Variants in IZUMO4 observed in about 807,000 individuals in gnomAD.
IZUMO4 encodes IZUMO family member 4, also known as izumo sperm-egg fusion protein 4.
IZUMO4 carries 51 observed loss-of-function variants against 37.1 expected under a neutral mutation model. The observed-to-expected ratio is 1.38, with a 90% confidence interval of 1.10 to 1.74. The LOEUF is 1.74. Among genes scored for constraint, IZUMO4 ranks in the 40% most tolerant of loss-of-function variants. The probability of loss-of-function intolerance (pLI) is 0.00; values close to 1 mark genes in which losing one functional copy is unlikely to be tolerated. For missense variants in IZUMO4, 364 were observed against 299.6 expected, an observed-to-expected ratio of 1.21 and a Z score of -1.59; for synonymous variants, 162 against 121.4, an observed-to-expected ratio of 1.33 and a Z score of -2.20.
In IZUMO4 at chr19:2,097,064, C is replaced by A. The variant is rs956204184; in HGVS notation, c.119C>A (p.Ser40Tyr). 6.2e-7 allele frequency: 1 copy of A among 1,612,716 alleles called. No individual in the cohort carries two copies. Among genetic ancestry groups the A allele is most frequent in the Non-Finnish European group, 8.5e-7 (1 of 1,179,950 alleles). ...SFYRHHVNFK[S>Y]WWVGDIPVSG... ...TACCGCCACCATGTGAACTTCAAGTCCTGGTGGGTGGGCGACATCCCCGTG... is the reference window on the plus strand; with the variant it reads ...TACCGCCACCATGTGAACTTCAAGTACTGGTGGGTGGGCGACATCCCCGTG... The change falls in exon 1 of 10, where the codon TCC (serine) becomes TAC (tyrosine). Residue 40 changes from serine to tyrosine, a missense_variant. Coordinates refer to ENST00000395301, the MANE Select transcript of IZUMO4 (RefSeq NM_001039846.2).
chr19:2,097,354 C>A (rs1260419572), intron 2 of IZUMO4, 22 bp downstream of exon 2: 1 of 1,610,674 alleles, frequency 6.2e-7, no homozygotes, highest in Admixed American at 1.7e-5. Flanking sequence ...GAAACCGAGG[C>A]GGGGCCCCCC....
At chr19:2,098,236 G>C (rs2017774945) in intron 5 of IZUMO4, 51 bp from the exon 6 acceptor site, 2 of 1,613,008 alleles carry the variant, frequency 1.2e-6, no homozygotes, top group South Asian at 2.2e-5. Context: ...CATCGGGTAG[G>C]GCGGGGCCGT....
intron 8 of IZUMO4, 27 bp from the exon 9 acceptor site, chr19:2,098,949 A>C (rs1421966908): frequency 6.2e-7 from 1 of 1,612,296 alleles, no homozygotes; most frequent in South Asian, 1.1e-5. Context: ...CTCTGCAACC[A>C]CACCCATGTG....
At position 2,099,477 on chromosome 19, in the gene IZUMO4, A is replaced by G; in HGVS notation, c.*132A>G. On this transcript the variant is annotated 3_prime_UTR_variant, in exon 10 of 10. Transcript: ENST00000395301. ...GACCCCGGACAGAGCTGAGCTGGCC[A>G]GGGCCAGGAGGGCGGGAGGGAGGGA... The G allele has an allele frequency of 2.6e-6, 1 of 378,504 alleles. No homozygotes were observed. The highest frequency in any genetic ancestry group is 5.3e-6 in the Non-Finnish European group (1 of 186,976). 23.4% of individuals were successfully genotyped at this position (378,504 alleles called of 1,614,324 possible). A position where few individuals can be genotyped will look rare whatever the true frequency, so the allele number is the denominator to read the frequency against.
At position 2,098,634 on chromosome 19, in the gene IZUMO4, C is replaced by T. The variant is rs113272408; in HGVS notation, c.537-153C>T. The T allele has an allele frequency of 3.6e-3, 5,678 of 1,557,386 alleles. 153 individuals carry two copies. In the African/African-American group the frequency reaches 0.065, roughly 18 times the overall value. On this transcript the variant is annotated intron_variant, in intron 7 of 9. Coordinates refer to ENST00000395301, the MANE Select transcript of IZUMO4 (RefSeq NM_001039846.2). Reference sequence around the variant, plus strand: ...AGTCCTTTTCTCCCTCAAAGGTCTCCGACCCTCAGCTGGAGGCGGGCATCT... The same window carrying T: ...AGTCCTTTTCTCCCTCAAAGGTCTCTGACCCTCAGCTGGAGGCGGGCATCT...
chr19:2,097,999 C>T, intron 4 of IZUMO4, 44 bp downstream of exon 4: 1 of 1,613,156 alleles, frequency 6.2e-7, no homozygotes, highest in Middle Eastern at 1.6e-4. Context: ...CCGGTGGCAG[C>T]TCGGGGCCCT....
chr19:2,097,896 C>T (rs769807937), intron 3 of IZUMO4, 33 bp from the exon 4 acceptor site: 36 of 1,612,276 alleles, frequency 2.2e-5, no homozygotes, highest in Admixed American at 2.2e-4. Flanking sequence ...AAGGCTGGGC[C>T]TGGTAAGATG....
At chr19:2,098,605 C>T in intron 7 of IZUMO4, 155 bp downstream of exon 7, 5 of 1,581,968 alleles carry the variant, frequency 3.2e-6, no homozygotes, top group Non-Finnish European at 4.3e-6. Context: ...CAGGAGGCGG[C>T]TGCAGTCCTT....
Position 2,098,095 on chromosome 19 carries a change from CT to C in IZUMO4, c.442del (p.Ser148ArgfsTer24). 1.1e-5 allele frequency: 18 copies of C among 1,613,608 alleles called. No homozygotes were observed. Among genetic ancestry groups the C allele is most frequent in the Non-Finnish European group, 1.4e-5 (17 of 1,180,016 alleles). On this transcript the variant is annotated frameshift_variant, in exon 5 of 10. Coordinates refer to ENST00000395301, the MANE Select transcript of IZUMO4 (RefSeq NM_001039846.2). LOFTEE classifies it high-confidence loss of function. ...CCATCTCCTGCAACAACTGCACAGA[CT>C]CGCACGTCGCCTGCTTTGGCTATAA... is the stretch of plus-strand genomic sequence containing the variant. ...ETISCNNCTD[S>X]HVACFGYNCE...
chr19:2,098,923 A>AC (rs1446704234), intron 8 of IZUMO4, 53 bp from the exon 9 acceptor site: 1 of 1,600,790 alleles, frequency 6.2e-7, no homozygotes, highest in Non-Finnish European at 8.6e-7. Flanking sequence ...TACCTGGGAC[A>AC]CCTGCTGGAT....
In IZUMO4 at chr19:2,097,936, C is replaced by G. The variant is rs200313927; in HGVS notation, c.378C>G (p.Ile126Met). 5 of 1,613,000 alleles carry G rather than the reference C, an allele frequency of 3.1e-6. No homozygotes were observed. The highest frequency in any genetic ancestry group is 1.3e-5 in the African/African-American group (1 of 74,942). Residue 126 changes from isoleucine (I) to methionine (M), a missense_variant, in exon 4 of 10, where the codon ATC (isoleucine) becomes ATG (methionine). By Grantham distance (10) the Ile-to-Met change is conservative. Transcript: ENST00000395301. ...TGTCCTGCCCTCCCACAGGCCGCAT[C>G]GACTGTCAGCACCGCTGTGGTAAGC... ...LIQNAIIESRIDCQHRCGIFQ... is the reference protein window; with the variant it reads ...LIQNAIIESRMDCQHRCGIFQ...
At position 2,096,998 on chromosome 19, in the gene IZUMO4, G is replaced by C. The variant is rs1456510091; in HGVS notation, c.53G>C (p.Cys18Ser). The change falls in exon 1 of 10, where the codon TGT becomes TCT. Residue 18 changes from cysteine (C) to serine (S), a missense_variant. By Grantham distance (112) the Cys-to-Ser change is moderately radical (BLOSUM62 -1). Transcript: ENST00000395301. ...CTGACGGCGGCGCTGGCCCACGGCT[G>C]TCTGCACTGCCACAGCAACTTCTCC... is the stretch of plus-strand genomic sequence containing the variant. ...VCLTAALAHG[C>S]LHCHSNFSKK... is the part of the protein sequence containing the mutation. 6.2e-7 allele frequency: 1 copy of C among 1,610,716 alleles called. No individual in the cohort carries two copies. Among genetic ancestry groups the C allele is most frequent in the Admixed American group, 1.7e-5 (1 of 60,018 alleles).
chr19:2,098,952 C>A, intron 8 of IZUMO4, 24 bp from the exon 9 acceptor site: 2 of 1,610,138 alleles, frequency 1.2e-6, no homozygotes, highest in Non-Finnish European at 1.7e-6. Context: ...TGCAACCACA[C>A]CCATGTGGTG....
At chr19:2,098,588 C>T (rs184051194) in intron 7 of IZUMO4, 138 bp downstream of exon 7, 5 of 1,599,426 alleles carry the variant, frequency 3.1e-6, no homozygotes, top group Non-Finnish European at 3.4e-6. Flanking sequence ...CTCAACCCAG[C>T]TCTGCGCAGG....
intron 3 of IZUMO4, 82 bp from the exon 4 acceptor site, chr19:2,097,845 CCT>C: frequency 3.9e-6 from 6 of 1,541,400 alleles, no homozygotes; most frequent in Non-Finnish European, 5.4e-6. Flanking sequence ...AGGGACAGGC[CCT>C]GAGGCTTTGG....
chr19:2,097,819 C>T, intron 3 of IZUMO4, 110 bp from the exon 4 acceptor site: 1 of 1,384,026 alleles, frequency 7.2e-7, no homozygotes, highest in South Asian at 1.2e-5. Context: ...CCAGGTGAGC[C>T]TGGGCCCCAG....
At position 2,099,568 on chromosome 19, in the gene IZUMO4, AG is replaced by A; in HGVS notation, c.*224del. ...CCGCAGAGCTGCGGGATGTGATTAA[AG>A]TCCCTGATGTTTCTCTTTGCAGAAG... On this transcript the variant is annotated 3_prime_UTR_variant, in exon 10 of 10. Transcript: ENST00000395301. The A allele has an allele frequency of 1.7e-6, 1 of 572,952 alleles. No homozygotes were observed. The highest frequency in any genetic ancestry group is 2.1e-5 in the South Asian group (1 of 48,420). 35.5% of individuals were successfully genotyped at this position (572,952 alleles called of 1,614,324 possible).
At chr19:2,098,214 C>T in intron 5 of IZUMO4, 73 bp from the exon 6 acceptor site, 3 of 1,611,148 alleles carry the variant, frequency 1.9e-6, no homozygotes, top group Non-Finnish European at 2.5e-6. Context: ...TCCCCGCCTT[C>T]CACCTGGCTG....
chr19:2,099,155 G>C, intron 9 of IZUMO4, 100 bp from the exon 10 acceptor site: 1 of 1,378,010 alleles, frequency 7.3e-7, no homozygotes. Context: ...GCCACACATA[G>C]GACCACACGT....
Sources: allele counts gnomAD v4.1 joint callset, GRCh38; gene constraint gnomAD v4.1.1; transcripts MANE v1.5; gene names NCBI Gene and HGNC (gene_info 2026-07-23, HGNC 2026-07-21).